The following ARIH2 variants were observed in gnomAD, a reference collection of about 807,000 sequenced individuals.
The protein encoded by ARIH2 is E3 ubiquitin-protein ligase ARIH2.
In ARIH2, 12 loss-of-function variants were observed where a neutral mutation model predicts 79.8. The ratio of observed to expected loss-of-function variants is 0.15; its 90% CI spans 0.10 to 0.24. The LOEUF is 0.24. Ranked by LOEUF, ARIH2 falls within the 10% of genes least tolerant of loss-of-function variation. The probability of loss-of-function intolerance (pLI) is 1.00; values close to 1 mark genes in which losing one functional copy is unlikely to be tolerated. For synonymous variants in ARIH2, 224 were observed against 213.9 expected (o/e 1.05, Z -0.41); for missense variants, 301 against 618.3 (o/e 0.49, Z 5.44).
At chr3:48,970,288 C>T (rs2092135243) in intron 7 of ARIH2, among the ~76,000 whole-genome samples, 1 of 151,842 alleles carries the variant, frequency 6.6e-6, no homozygotes, top group Admixed American at 6.6e-5. Flanking sequence ...AATTTCAGGC[C>T]TCAAGCAGTC....
intron 3 of ARIH2, among the ~76,000 whole-genome samples, chr3:48,938,913 CAAAAAA>C (rs1158929356): frequency 0.014 from 759 of 54,448 alleles, 8 homozygotes; most frequent in African/African-American, 0.052. Flanking sequence ...GTCTTTAGAC[CAAAAAA>C]AAAAAAAAAA....
rs1194543049 is a variant in ARIH2 at position 48,984,626 on chromosome 3, C to T, written c.*1356C>T. 6.6e-6 allele frequency: 1 copy of T among 152,226 alleles called. No individual in the cohort carries two copies. Among genetic ancestry groups the T allele is most frequent in the African/African-American group, 2.4e-5 (1 of 41,438 alleles). The allele number at this position is 152,226 out of a possible 1,614,324, so 9.4% of individuals were successfully genotyped here. A position where few individuals can be genotyped will look rare whatever the true frequency, so the allele number is the denominator to read the frequency against. On this transcript the variant is annotated 3_prime_UTR_variant, in exon 16 of 16. Transcript: ENST00000356401. ...CATTGAAAAGTTAGATCTGTGATCT[C>T]TGGGGTTTTTGTGGCTTTGTTCAAT...
At chr3:48,934,644 G>T in intron 3 of ARIH2, 2 of 985,414 alleles carry the variant, frequency 2.0e-6, no homozygotes, top group Non-Finnish European at 2.4e-6. Flanking sequence ...ATGTTTCACA[G>T]TGTTTTAGTC....
chr3:48,942,511 C>CT (rs746857271), intron 3 of ARIH2, among the ~76,000 whole-genome samples: 115 of 145,744 alleles, frequency 7.9e-4, no homozygotes, highest in East Asian at 1.2e-3. Context: ...TTCCTTTTCA[C>CT]TTTTTTTTTT....
chr3:48,960,708 G>C (rs1245611509), intron 3 of ARIH2, among the ~76,000 whole-genome samples: 1 of 150,728 alleles, frequency 6.6e-6, no homozygotes, highest in Non-Finnish European at 1.5e-5. Context: ...AGGTTGCAGT[G>C]AGCCGAGGTC....
At chr3:48,934,079 A>G (rs1249297776) in intron 3 of ARIH2, among the ~76,000 whole-genome samples, 1 of 152,110 alleles carries the variant, frequency 6.6e-6, no homozygotes, top group Non-Finnish European at 1.5e-5. Context: ...TCTCTCTAAG[A>G]TTCTGCTGTG....
chr3:48,918,936 T>C lies in ARIH2; in HGVS notation c.-224T>C. On this transcript the variant is annotated 5_prime_UTR_variant, in exon 1 of 16. Coordinates refer to ENST00000356401, the MANE Select transcript of ARIH2 (RefSeq NM_006321.4). ...TGCCGCTTCGCCCCAATCCGGTCCC[T>C]CTGGCCCGGCCTGACCCGGTCTGGC... 1 of 1,583,644 alleles carries C rather than the reference T, an allele frequency of 6.3e-7. No homozygotes were observed. Among genetic ancestry groups the C allele is most frequent in the Admixed American group, 1.8e-5 (1 of 55,982 alleles).
chr3:48,978,966 A>G (rs1263671213), intron 11 of ARIH2, among the ~76,000 whole-genome samples: 1 of 152,110 alleles, frequency 6.6e-6, no homozygotes, highest in Non-Finnish European at 1.5e-5. Context: ...GTCTCAAAAA[A>G]AAAAAGAAAA....
intron 4 of ARIH2, among the ~76,000 whole-genome samples, chr3:48,962,586 G>C (rs1400600744): frequency 1.3e-5 from 2 of 152,110 alleles, no homozygotes; most frequent in African/African-American, 4.8e-5. Flanking sequence ...CCTCGGAGGC[G>C]TGTGCCCCTG....
At chr3:48,939,658 T>C (rs2087742454) in intron 3 of ARIH2, among the ~76,000 whole-genome samples, 1 of 146,174 alleles carries the variant, frequency 6.8e-6, no homozygotes, top group African/African-American at 2.5e-5. Context: ...CTCGGGAGGC[T>C]GAGGCAGGAG....
chr3:48,968,140 T>A, intron 6 of ARIH2: 1 of 173,814 alleles, frequency 5.8e-6, no homozygotes, highest in Admixed American at 6.0e-5. Flanking sequence ...GTTCAAGCGA[T>A]TCTCCTGCCT....
intron 3 of ARIH2, among the ~76,000 whole-genome samples, chr3:48,939,631 G>A (rs532949898): frequency 4.6e-5 from 7 of 151,208 alleles, no homozygotes; most frequent in Admixed American, 4.6e-4. Context: ...GGTGGTGGGC[G>A]CCTGTAGTCC....
At chr3:48,983,151 C>T in intron 15 of ARIH2, 48 bp from the exon 16 acceptor site, 1 of 1,607,438 alleles carries the variant, frequency 6.2e-7, no homozygotes, top group Non-Finnish European at 8.5e-7. Flanking sequence ...CTACTCCTTG[C>T]TCCCAGGCCT....
chr3:48,969,628 C>T (rs1238462556), intron 7 of ARIH2, among the ~76,000 whole-genome samples: 1 of 151,882 alleles, frequency 6.6e-6, no homozygotes, highest in Admixed American at 6.6e-5. Context: ...ACTGGGACTA[C>T]TGGCGCGCAC....
intron 11 of ARIH2, among the ~76,000 whole-genome samples, chr3:48,976,084 A>C (rs2092479796): frequency 1.4e-5 from 2 of 143,764 alleles, no homozygotes; most frequent in Non-Finnish European, 3.0e-5. Flanking sequence ...CTACTTTTTT[A>C]TATTTTTAGT....
chr3:48,958,538 T>C lies in ARIH2; in HGVS notation c.256-3074T>C, dbSNP rs558696398. Among the ~76,000 whole-genome samples the C allele has an allele frequency of 2.9e-3, 433 of 151,930 alleles. 5 individuals are homozygous for C. The highest frequency in any genetic ancestry group is 9.9e-3 in the African/African-American group (411 of 41,452). On this transcript the variant is annotated intron_variant, in intron 3 of 15. Transcript: ENST00000356401. ...CAGCCGGGCCAAGATGGTGAAACCC[T>C]GTCTTTACTAAAAATACAAAAATTA...
chr3:48,970,588 T>C lies in ARIH2; in HGVS notation c.661-7T>C. ...GTCCTCATTGTTTCCTCTTGGTGTG[T>C]TCACAGAGTCATTACCAGCTCCAGC... On this transcript the variant is annotated splice_polypyrimidine_tract_variant and splice_region_variant and intron_variant, in intron 7 of 15. Coordinates refer to ENST00000356401, the MANE Select transcript of ARIH2 (RefSeq NM_006321.4). 1 of 1,603,668 alleles carries C rather than the reference T, an allele frequency of 6.2e-7. No homozygotes were observed. The highest frequency in any genetic ancestry group is 1.1e-5 in the South Asian group (1 of 90,856).
chr3:48,927,509 G>T lies in ARIH2; in HGVS notation c.-50G>T. The T allele has an allele frequency of 6.3e-7, 1 of 1,585,996 alleles. No homozygotes were observed. The highest frequency in any genetic ancestry group is 8.6e-7 in the Non-Finnish European group (1 of 1,168,172). The stretch of plus-strand genomic sequence containing the variant: ...TGAGAAAGCGGTAGTTTTGGGGGGA[G>T]GGGGAAAAAGCAACTGCTTTCCTGA... On this transcript the variant is annotated 5_prime_UTR_variant, in exon 3 of 16. The change creates a new upstream start codon in the 5' untranslated region. Coordinates refer to ENST00000356401, the MANE Select transcript of ARIH2 (RefSeq NM_006321.4).
rs1209207576 is a variant in ARIH2 at position 48,918,983 on chromosome 3, G to C, written c.-177G>C. 6.9e-7 allele frequency: 1 copy of C among 1,457,230 alleles called. No homozygotes were observed. Among genetic ancestry groups the C allele is most frequent in the Admixed American group, 2.8e-5 (1 of 35,624 alleles). 90.3% of individuals were successfully genotyped at this position (1,457,230 alleles called of 1,614,324 possible). On this transcript the variant is annotated 5_prime_UTR_variant, in exon 1 of 16. Coordinates refer to ENST00000356401, the MANE Select transcript of ARIH2 (RefSeq NM_006321.4). ...TGGCTTGTTCGGGCTCAGCGGCCGC[G>C]AGGCCGCAGCTCCCGGTAAGTGCGC...
Sources: allele counts gnomAD v4.1 joint callset (sites outside exome capture counted in the v4.1 genomes callset), GRCh38; gene constraint gnomAD v4.1.1; transcripts MANE v1.5; gene names NCBI Gene and HGNC (gene_info 2026-07-23, HGNC 2026-07-21).